NOTCH4: variants seen among roughly 807,000 people sequenced by gnomAD.
NOTCH4 encodes the protein neurogenic locus notch homolog protein 4.
In NOTCH4, 138 loss-of-function variants were observed where a neutral mutation model predicts 189.0. The ratio of observed to expected loss-of-function variants is 0.73; its 90% CI spans 0.64 to 0.84. The LOEUF (loss-of-function observed/expected upper bound fraction) is 0.84. Ranked by LOEUF, NOTCH4 falls within the 40% of genes least tolerant of loss-of-function variation. NOTCH4 has a pLI of 0.00. For synonymous variants in NOTCH4, 942 were observed against 1,032.8 expected (o/e 0.91, Z 1.69); for missense variants, 2,286 against 2,605.4 (o/e 0.88, Z 2.67).
Position 32,195,940 on chromosome 6 carries a change from C to T in NOTCH4, c.5509G>A (p.Ala1837Thr), listed in dbSNP as rs200319129. 8.0e-5 allele frequency: 127 copies of T among 1,590,642 alleles called. No individual in the cohort carries two copies. The African/African-American group carries it at 9.9e-4, about 12-fold the overall frequency. Residue 1837 changes from alanine to threonine, a missense_variant, in exon 30 of 30, where the codon GCT becomes ACT. Physicochemically the swap from Ala to Thr is moderately conservative, Grantham distance 58. This residue lies in a region of NOTCH4 where 383 missense variants were observed against 343.5 expected (regional missense o/e 1.11). Transcript: ENST00000375023. This position sits in a 1 kb window ranked among gnomAD's most constrained non-coding sequence, Gnocchi z 5.4. The stretch of plus-strand genomic sequence containing the variant: ...GTCCGTGCGCGCGGGAAGGGCCCAG[C>T]CTCGCGGCCCGGCGTGGCTTTGTGA... ...ARHKATPGRE[A>T]GPFPRARTVS...
At position 32,197,047 on chromosome 6, in the gene NOTCH4, G is replaced by A; in HGVS notation, c.5078C>T (p.Ala1693Val). The A allele has an allele frequency of 6.2e-7, 1 of 1,612,734 alleles. No homozygotes were observed. The highest frequency in any genetic ancestry group is 8.5e-7 in the Non-Finnish European group (1 of 1,180,014). ...CQLLLRSRQTAVDARTEDGTT... is the reference protein window; with the variant it reads ...CQLLLRSRQTVVDARTEDGTT... ...CCCGTCCTCTGTGCGAGCGTCCACT[G>A]CAGTTTGTCTGCTACGGAGCAGAAG... Residue 1693 changes from alanine to valine, a missense_variant, in exon 28 of 30, where the codon GCA becomes GTA. By Grantham distance (64) the Ala-to-Val change is moderately conservative. This residue lies in a region of NOTCH4 where 1,903 missense variants were observed against 2,261.9 expected (regional missense o/e 0.84). Coordinates refer to ENST00000375023, the MANE Select transcript of NOTCH4 (RefSeq NM_004557.4).
At chr6:32,214,508 AACTT>A (rs1378235532) in intron 12 of NOTCH4, among the ~76,000 whole-genome samples, 1 of 133,418 alleles carries the variant, frequency 7.5e-6, no homozygotes, top group Non-Finnish European at 1.6e-5. Context: ...TTCTTTCTGT[AACTT>A]ACTTATTTTC....
Position 32,194,959 on chromosome 6 carries a change from G to C in NOTCH4, c.*478C>G. 4.2e-6 allele frequency: 1 copy of C among 237,382 alleles called. No homozygotes were observed. Among genetic ancestry groups the C allele is most frequent in the South Asian group, 1.7e-4 (1 of 5,770 alleles). 14.7% of individuals were successfully genotyped at this position (237,382 alleles called of 1,614,324 possible). ...TGGAGTTCTTTGTTGTGAGGGGAGG[G>C]AATGCAAGGAGTCATCAGCGGGGGT... is the stretch of plus-strand genomic sequence containing the variant. On this transcript the variant is annotated 3_prime_UTR_variant, in exon 30 of 30. Coordinates refer to ENST00000375023, the MANE Select transcript of NOTCH4 (RefSeq NM_004557.4). The surrounding 1 kb of genome is among the most constrained non-coding windows in gnomAD (Gnocchi z 4.5).
At chr6:32,216,643 A>G (rs956242337) in intron 11 of NOTCH4, 65 of 518,672 alleles carry the variant, frequency 1.3e-4, no homozygotes, top group African/African-American at 1.0e-3. Context: ...CGTATCTGGC[A>G]TAGTAGGCAG....
rs372435598 is a variant in NOTCH4 at position 32,195,870 on chromosome 6, C to A, written c.5579G>T (p.Arg1860Leu). ...TGCTCCGGCTGACAGCGTCCGGCAG[C>A]GCGGCAGAGCCCCGCCCCCATGCGG... ...VPPHGGGALP[R>L]CRTLSAGAGP... Residue 1860 changes from arginine (R) to leucine (L), a missense_variant, in exon 30 of 30, where the codon CGC (arginine) becomes CTC (leucine). Arg to Leu is a moderately radical substitution (Grantham distance 102). Around this residue, in one of 2 missense-constraint regions of NOTCH4, gnomAD observed 383 missense variants for 343.5 expected, o/e 1.11. Coordinates refer to ENST00000375023, the MANE Select transcript of NOTCH4 (RefSeq NM_004557.4). This position sits in a 1 kb window ranked among gnomAD's most constrained non-coding sequence, Gnocchi z 5.4. 6.3e-7 allele frequency: 1 copy of A among 1,594,032 alleles called. No homozygotes were observed. The highest frequency in any genetic ancestry group is 2.2e-5 in the East Asian group (1 of 44,690).
Position 32,203,875 on chromosome 6 carries a change from C to T in NOTCH4, c.3126G>A (p.Trp1042Ter), listed in dbSNP as rs1788507502. 1 of 1,555,130 alleles carries T rather than the reference C, an allele frequency of 6.4e-7. No homozygotes were observed. The highest frequency in any genetic ancestry group is 8.7e-7 in the Non-Finnish European group (1 of 1,148,950). Reference protein sequence around the residue: ...CQCLPGHTGQWCEVEIDPCHS... With the variant: ...CQCLPGHTGQ ...GGCAGGGGTCTATCTCCACCTCACA[C>T]CACTGGCCTGTAATTATGGGGGAGA... Residue 1042 changes from tryptophan (W) to a stop codon, truncating the protein, a stop_gained, in exon 20 of 30, where the codon TGG (tryptophan) becomes TGA (stop). Transcript: ENST00000375023. LOFTEE classifies it high-confidence loss of function.
chr6:32,223,428 A>G (rs1789923698), intron 1 of NOTCH4, among the ~76,000 whole-genome samples: 1 of 152,058 alleles, frequency 6.6e-6, no homozygotes, highest in Non-Finnish European at 1.5e-5. Context: ...TCCTCCCGGA[A>G]AGGCCGAGCA....
chr6:32,216,860 C>T, intron 11 of NOTCH4, 85 bp downstream of exon 11: 16 of 1,453,360 alleles, frequency 1.1e-5, no homozygotes, highest in Non-Finnish European at 1.5e-5. Context: ...ACATCCCAAC[C>T]ATCAAACACC....
At chr6:32,213,970 A>T in intron 13 of NOTCH4, 130 bp from the exon 14 acceptor site, 1 of 1,411,784 alleles carries the variant, frequency 7.1e-7, no homozygotes, top group Non-Finnish European at 9.8e-7. Context: ...CGTTCTCACC[A>T]CCTCCCACAC....
At position 32,219,690 on chromosome 6, in the gene NOTCH4, CG is replaced by C. The variant is rs761343500; in HGVS notation, c.1411del (p.Arg471ValfsTer35). The C allele has an allele frequency of 6.2e-7, 1 of 1,613,056 alleles. No homozygotes were observed. Among genetic ancestry groups the C allele is most frequent in the South Asian group, 1.1e-5 (1 of 91,066 alleles). On this transcript the variant is annotated frameshift_variant, in exon 8 of 30. Transcript: ENST00000375023. LOFTEE classifies it high-confidence loss of function. ...GCACTCATTGTGATCAGCCTCACAACGGGAGCCTGTGTAGCCAGGTGGACAG... is the reference window on the plus strand; with the variant it reads ...GCACTCATTGTGATCAGCCTCACAACGGAGCCTGTGTAGCCAGGTGGACAG... ...CLCPPGYTGSRCEADHNECLS... is the reference protein window; with the variant it reads ...CLCPPGYTGSXCEADHNECLS...
chr6:32,195,700 A>G lies in NOTCH4; in HGVS notation c.5749T>C (p.Ser1917Pro), dbSNP rs1787831596. The G allele has an allele frequency of 1.9e-6, 3 of 1,612,856 alleles. No individual in the cohort carries two copies. Among genetic ancestry groups the G allele is most frequent in the African/African-American group, 1.3e-5 (1 of 74,942 alleles). The stretch of plus-strand genomic sequence containing the variant: ...GGCCGAGGCCCGCGCATGCCTGCAG[A>G]AAACCTACGGCCGCGAGGGGTCGGG... Reference protein sequence around the residue: ...GGPTPRGRRFSAGMRGPRPNP... With the variant: ...GGPTPRGRRFPAGMRGPRPNP... The change falls in exon 30 of 30, where the codon TCT becomes CCT. Residue 1917 changes from serine (S) to proline (P), a missense_variant. By Grantham distance (74) the Ser-to-Pro change is moderately conservative (BLOSUM62 -1). Transcript: ENST00000375023. This position sits in a 1 kb window ranked among gnomAD's most constrained non-coding sequence, Gnocchi z 5.4.
chr6:32,221,024 C>T lies in NOTCH4; in HGVS notation c.753G>A (p.Leu251=), dbSNP rs145852522. The change falls in exon 4 of 30, where the codon CTG becomes CTA. Residue 251 remains leucine, a synonymous_variant. Transcript: ENST00000375023. This position sits in a 1 kb window ranked among gnomAD's most constrained non-coding sequence, Gnocchi z 4.3. Reference sequence around the variant, plus strand: ...GAAAGGTGGAGTCTTTCTCTGGCATCAGCTGGCAGGTGCCCCCATTCGAAC... The same window carrying T: ...GAAAGGTGGAGTCTTTCTCTGGCATTAGCTGGCAGGTGCCCCCATTCGAAC... The part of the protein sequence containing the change: ...RGCSNGGTCQ[L]MPEKDSTFHL... 14 of 1,608,420 alleles carry T rather than the reference C, an allele frequency of 8.7e-6. No individual in the cohort carries two copies. In the African/African-American group the frequency reaches 1.3e-4, roughly 15 times the overall value.
In NOTCH4 at chr6:32,223,097, A is replaced by C; in HGVS notation, c.74-11T>G. The stretch of plus-strand genomic sequence containing the variant: ...TCCCACACAGCAGCCCTGAGGGTGG[A>C]GAGGCAGGCGCAATGGAAGCCCTGG... On this transcript the variant is annotated splice_polypyrimidine_tract_variant and intron_variant, in intron 1 of 29. Coordinates refer to ENST00000375023, the MANE Select transcript of NOTCH4 (RefSeq NM_004557.4). 1 of 1,611,310 alleles carries C rather than the reference A, an allele frequency of 6.2e-7. No homozygotes were observed. The highest frequency in any genetic ancestry group is 1.3e-5 in the African/African-American group (1 of 74,894).
rs1788949895 is a variant in NOTCH4, at chr6:32,210,628, G to T, written c.2865+124C>A. On this transcript the variant is annotated intron_variant, in intron 18 of 29. Coordinates refer to ENST00000375023, the MANE Select transcript of NOTCH4 (RefSeq NM_004557.4). This position sits in a 1 kb window ranked among gnomAD's most constrained non-coding sequence, Gnocchi z 4.8. ...GGCATGACTTTGTGGTTAGTTGGGTGTGTGGGGTTAAAAAAAATAAAAGGA... is the reference window on the plus strand; with the variant it reads ...GGCATGACTTTGTGGTTAGTTGGGTTTGTGGGGTTAAAAAAAATAAAAGGA... 3.3e-6 allele frequency: 3 copies of T among 904,476 alleles called. No individual in the cohort carries two copies. The South Asian group carries it at 4.7e-5, about 14-fold the overall frequency. The allele number at this position is 904,476 out of a possible 1,614,324, so 56.0% of individuals were successfully genotyped here.
At position 32,212,868 on chromosome 6, in the gene NOTCH4, G is replaced by T; in HGVS notation, c.2482C>A (p.Pro828Thr). ...TAGCCAGTGGGGCAGAGGCAGCGGG[G>T]ACCCTGAGGGCTGTCCTGGCAGGTT... ...RATCQDSPQG[P>T]RCLCPTGYTG... Residue 828 changes from proline to threonine, a missense_variant, in exon 16 of 30, where the codon CCC (proline) becomes ACC (threonine). Coordinates refer to ENST00000375023, the MANE Select transcript of NOTCH4 (RefSeq NM_004557.4). This position sits in a 1 kb window ranked among gnomAD's most constrained non-coding sequence, Gnocchi z 4.4. The T allele has an allele frequency of 6.4e-7, 1 of 1,554,134 alleles. No individual in the cohort carries two copies. The highest frequency in any genetic ancestry group is 8.7e-7 in the Non-Finnish European group (1 of 1,148,414).
intron 11 of NOTCH4, 68 bp from the exon 12 acceptor site, chr6:32,215,453 C>T: frequency 6.8e-7 from 1 of 1,473,636 alleles, no homozygotes. Flanking sequence ...AAAGCCACAT[C>T]CTTCATTGGG....
chr6:32,223,815 A>T (rs1386630848), intron 1 of NOTCH4, 41 bp downstream of exon 1: 1 of 1,589,074 alleles, frequency 6.3e-7, no homozygotes, highest in East Asian at 2.3e-5. Context: ...CATCCTCCTA[A>T]GGGAGCTGGG....
At position 32,201,118 on chromosome 6, in the gene NOTCH4, C is replaced by T. The variant is rs1023943628; in HGVS notation, c.4138G>A (p.Gly1380Arg). 5.0e-6 allele frequency: 8 copies of T among 1,607,782 alleles called. No homozygotes were observed. Among genetic ancestry groups the T allele is most frequent in the Middle Eastern group, 1.7e-4 (1 of 6,024 alleles). Residue 1380 changes from glycine to arginine, a missense_variant and splice_region_variant, in exon 22 of 30, where the codon GGG becomes AGG. Physicochemically the swap from Gly to Arg is moderately radical, Grantham distance 125. Coordinates refer to ENST00000375023, the MANE Select transcript of NOTCH4 (RefSeq NM_004557.4). This position sits in a 1 kb window ranked among gnomAD's most constrained non-coding sequence, Gnocchi z 5.5. ...CCTTCCCTCCACCTAGCTTCTTACC[C>T]AGCACTGAGGGAGTCGGTCTCCTTG... Reference protein sequence around the residue: ...LGKETDSLSAGFVVVMGVDLS... With the variant: ...LGKETDSLSARFVVVMGVDLS...
At chr6:32,197,739 C>G in intron 26 of NOTCH4, 145 bp from the exon 27 acceptor site, 1 of 611,532 alleles carries the variant, frequency 1.6e-6, no homozygotes, top group Non-Finnish European at 2.6e-6. Context: ...GACTTTTCTG[C>G]TTTTCTCTGA....
Sources: allele counts gnomAD v4.1 joint callset (sites outside exome capture counted in the v4.1 genomes callset), GRCh38; gene constraint gnomAD v4.1.1; regional missense constraint gnomAD v4.1.1; non-coding constraint Gnocchi (gnomAD v3.1); transcripts MANE v1.5; gene names NCBI Gene and HGNC (gene_info 2026-07-23, HGNC 2026-07-21).